The following ZC3H8 variants were observed in gnomAD, a reference collection of about 807,000 sequenced individuals.
ZC3H8 encodes zinc finger CCCH domain-containing protein 8.
A neutral mutation model predicts 42.5 loss-of-function variants in ZC3H8; 27 were observed. The ratio of observed to expected loss-of-function variants is 0.64; its 90% confidence interval spans 0.47 to 0.88. The LOEUF (loss-of-function observed/expected upper bound fraction) is 0.88, where lower values mean the gene tolerates loss of function less well. Ranked by LOEUF, ZC3H8 falls within the 40% of genes least tolerant of loss-of-function variation. ZC3H8 has a pLI of 0.00. For synonymous variants in ZC3H8, 101 were observed against 110.1 expected (o/e 0.92, Z 0.52); for missense variants, 277 against 336.1 (o/e 0.82, Z 1.37).
intron 2 of ZC3H8, among the ~76,000 whole-genome samples, chr2:112,239,630 G>A (rs1685499790): frequency 7.3e-6 from 1 of 136,614 alleles, no homozygotes; most frequent in African/African-American, 2.8e-5. Context: ...TATTGCCCAG[G>A]CTGGAGTGCA....
intron 8 of ZC3H8, among the ~76,000 whole-genome samples, chr2:112,223,330 ATG>A (rs1684676394): frequency 6.6e-6 from 1 of 152,224 alleles, no homozygotes; most frequent in Non-Finnish European, 1.5e-5. Flanking sequence ...TTGCATGTCA[ATG>A]TATTAATTTA....
chr2:112,234,605 A>G (rs1400901547), intron 4 of ZC3H8, among the ~76,000 whole-genome samples: 1 of 152,204 alleles, frequency 6.6e-6, no homozygotes, highest in Non-Finnish European at 1.5e-5. Context: ...GTTCAAGACC[A>G]GCCTGGCCAA....
intron 2 of ZC3H8, among the ~76,000 whole-genome samples, chr2:112,246,516 G>C (rs918660086): frequency 2.0e-5 from 3 of 152,144 alleles, no homozygotes; most frequent in African/African-American, 7.2e-5. Flanking sequence ...GCAACCCTCA[G>C]GGATGACTTT....
At chr2:112,241,108 G>C (rs937016383) in intron 2 of ZC3H8, among the ~76,000 whole-genome samples, 6 of 151,654 alleles carry the variant, frequency 4.0e-5, no homozygotes, top group African/African-American at 1.5e-4. Context: ...TGCTCTAAAG[G>C]GTGGGCTTAG....
rs1295311754 is a variant in ZC3H8 at position 112,214,664 on chromosome 2, T to C, written c.*1820A>G. The C allele has an allele frequency of 2.0e-5, 3 of 151,820 alleles. No individual in the cohort carries two copies. The highest frequency in any genetic ancestry group is 4.4e-5 in the Non-Finnish European group (3 of 68,030). The allele number at this position is 151,820 out of a possible 1,614,324, so 9.4% of individuals were successfully genotyped here. A position where few individuals can be genotyped will look rare whatever the true frequency, so the allele number is the denominator to read the frequency against. ...GCTCTTGGTTCAGGGAACGGCACAGTGGGGGCGTGGCTGAAGCAGTATACT... is the reference window on the plus strand; with the variant it reads ...GCTCTTGGTTCAGGGAACGGCACAGCGGGGGCGTGGCTGAAGCAGTATACT... On this transcript the variant is annotated 3_prime_UTR_variant, in exon 9 of 9. Coordinates refer to ENST00000409573, the MANE Select transcript of ZC3H8 (RefSeq NM_032494.3).
intron 6 of ZC3H8, among the ~76,000 whole-genome samples, chr2:112,232,864 T>A (rs1573904062): frequency 6.6e-6 from 1 of 152,226 alleles, no homozygotes; most frequent in African/African-American, 2.4e-5. Context: ...TAAGGGATGA[T>A]TAATTTCTAC....
Position 112,216,411 on chromosome 2 carries a change from C to T in ZC3H8, c.*73G>A, listed in dbSNP as rs1036262824. ...TTGTAAACTACTCCAAATCACCAGT[C>T]TTGAACAGTCTTGAACACGCATGGG... On this transcript the variant is annotated 3_prime_UTR_variant, in exon 9 of 9. Transcript: ENST00000409573. 1.3e-5 allele frequency: 2 copies of T among 152,274 alleles called. No homozygotes were observed. The highest frequency in any genetic ancestry group is 4.8e-5 in the African/African-American group (2 of 41,464). 9.4% of individuals were successfully genotyped at this position (152,274 alleles called of 1,614,324 possible). A position where few individuals can be genotyped will look rare whatever the true frequency, so the allele number is the denominator to read the frequency against.
intron 6 of ZC3H8, 120 bp from the exon 7 acceptor site, chr2:112,232,067 TAGG>T: frequency 2.0e-6 from 1 of 495,208 alleles, no homozygotes. Context: ...CTCATGCCTG[TAGG>T]AGGCGGAGGT....
At chr2:112,251,552 C>T (rs1226052885) in intron 1 of ZC3H8, among the ~76,000 whole-genome samples, 1 of 152,226 alleles carries the variant, frequency 6.6e-6, no homozygotes, top group East Asian at 1.9e-4. Context: ...GTAACAGCAT[C>T]AGCCAACACT....
chr2:112,238,631 G>T, intron 2 of ZC3H8, 103 bp from the exon 3 acceptor site: 1 of 877,248 alleles, frequency 1.1e-6, no homozygotes, highest in East Asian at 2.5e-5. Flanking sequence ...CATTGTTGAA[G>T]GTGGGTAATA....
intron 7 of ZC3H8, 76 bp downstream of exon 7, chr2:112,231,762 C>T: frequency 1.1e-6 from 1 of 886,394 alleles, no homozygotes; most frequent in Non-Finnish European, 1.7e-6. Flanking sequence ...CCTTAATTAT[C>T]TTCAAATTCT....
intron 8 of ZC3H8, among the ~76,000 whole-genome samples, chr2:112,227,312 G>C (rs563648500): frequency 7.2e-5 from 11 of 152,318 alleles, no homozygotes; most frequent in African/African-American, 2.6e-4. Context: ...ATCGCCTGAG[G>C]TCAGGAGTTT....
At chr2:112,217,537 C>T (rs1024439936) in intron 8 of ZC3H8, among the ~76,000 whole-genome samples, 3 of 152,106 alleles carry the variant, frequency 2.0e-5, no homozygotes, top group Non-Finnish European at 4.4e-5. Context: ...ATGTATAATT[C>T]TGTCATATTG....
chr2:112,241,011 G>T (rs6759646), intron 2 of ZC3H8, among the ~76,000 whole-genome samples: 1 of 143,240 alleles, frequency 7.0e-6, no homozygotes, highest in African/African-American at 2.8e-5. Context: ...GTTGTGTTTT[G>T]TGTGTGTGTG....
chr2:112,237,195 G>A (rs1452090654), intron 3 of ZC3H8, among the ~76,000 whole-genome samples: 1 of 152,202 alleles, frequency 6.6e-6, no homozygotes, highest in Non-Finnish European at 1.5e-5. Flanking sequence ...AGAGAATTAT[G>A]ATAATACATC....
At chr2:112,249,195 CA>C (rs535235767) in intron 2 of ZC3H8, among the ~76,000 whole-genome samples, 34 of 151,938 alleles carry the variant, frequency 2.2e-4, no homozygotes, top group Non-Finnish European at 4.7e-4. Flanking sequence ...GACTCTGTCT[CA>C]AAAAAAGGAA....
At chr2:112,231,094 GA>G (rs2104652595) in intron 7 of ZC3H8, 144 bp from the exon 8 acceptor site, 1 of 472,646 alleles carries the variant, frequency 2.1e-6, no homozygotes, top group Non-Finnish European at 3.1e-6. Flanking sequence ...TACAGGAACT[GA>G]AAAACTTATT....
intron 8 of ZC3H8, among the ~76,000 whole-genome samples, chr2:112,223,426 G>C (rs1040462731): frequency 6.6e-6 from 1 of 151,984 alleles, no homozygotes; most frequent in African/African-American, 2.4e-5. Flanking sequence ...AAAAAGAAAT[G>C]AGTGTTGAAT....
At chr2:112,227,300 G>A (rs568912231) in intron 8 of ZC3H8, among the ~76,000 whole-genome samples, 11 of 152,320 alleles carry the variant, frequency 7.2e-5, no homozygotes, top group Non-Finnish European at 1.3e-4. Flanking sequence ...CGAGGCAGGC[G>A]GATCGCCTGA....
Sources: allele counts gnomAD v4.1 joint callset (sites outside exome capture counted in the v4.1 genomes callset), GRCh38; gene constraint gnomAD v4.1.1; transcripts MANE v1.5; gene names NCBI Gene and HGNC (gene_info 2026-07-23, HGNC 2026-07-21).